The following RBM19 variants were observed in gnomAD, a reference collection of about 807,000 sequenced individuals.
RBM19 encodes RNA binding motif protein 19.
RBM19 carries 94 observed loss-of-function variants against 116.8 expected under a neutral mutation model. The ratio of observed to expected loss-of-function variants is 0.80; its 90% confidence interval spans 0.68 to 0.95. RBM19 has a LOEUF of 0.95. Ranked by LOEUF, RBM19 falls within the 40% of genes least tolerant of loss-of-function variation. The pLI, the probability that RBM19 is intolerant of heterozygous loss-of-function variation, is 0.00. For synonymous variants in RBM19, 475 were observed against 494.1 expected (o/e 0.96, Z 0.51); for missense variants, 1,161 against 1,220.7 (o/e 0.95, Z 0.73).
At chr12:113,851,459 G>A (rs1399155118) in intron 22 of RBM19, among the ~76,000 whole-genome samples, 3 of 152,158 alleles carry the variant, frequency 2.0e-5, no homozygotes, top group Non-Finnish European at 2.9e-5. Flanking sequence ...AGGGAGAGAG[G>A]GCCAATGCCA....
At chr12:113,852,262 G>A (rs914302337) in intron 22 of RBM19, among the ~76,000 whole-genome samples, 5 of 152,098 alleles carry the variant, frequency 3.3e-5, no homozygotes, top group Non-Finnish European at 7.4e-5. Context: ...AGGGGGGTCC[G>A]TCCTGGCACT....
chr12:113,894,321 T>G (rs1159369360), intron 21 of RBM19, among the ~76,000 whole-genome samples: 1 of 152,232 alleles, frequency 6.6e-6, no homozygotes, highest in Non-Finnish European at 1.5e-5. Context: ...TGAGTAAAAC[T>G]GATGCTGCAA....
intron 21 of RBM19, among the ~76,000 whole-genome samples, chr12:113,885,589 T>C (rs1880458450): frequency 6.6e-6 from 1 of 152,204 alleles, no homozygotes; most frequent in Non-Finnish European, 1.5e-5. Context: ...TTGATAACTG[T>C]ACTATAACGT....
chr12:113,916,396 G>C (rs1882775682), intron 20 of RBM19, among the ~76,000 whole-genome samples: 1 of 152,202 alleles, frequency 6.6e-6, no homozygotes, highest in African/African-American at 2.4e-5. Flanking sequence ...GACAGGGTGA[G>C]ACTCCGTCTC....
chr12:113,921,254 T>C (rs1375868021), intron 18 of RBM19, among the ~76,000 whole-genome samples: 1 of 152,210 alleles, frequency 6.6e-6, no homozygotes, highest in South Asian at 2.1e-4. Flanking sequence ...CAAAGAATAC[T>C]GCAAAAATTT....
intron 16 of RBM19, 35 bp downstream of exon 16, chr12:113,936,972 T>A: frequency 6.2e-7 from 1 of 1,606,638 alleles, no homozygotes; most frequent in South Asian, 1.1e-5. Flanking sequence ...CTCACCAGGA[T>A]CCCAAGCCAT....
intron 8 of RBM19, among the ~76,000 whole-genome samples, chr12:113,950,949 T>C (rs1871415004): frequency 6.6e-6 from 1 of 152,122 alleles, no homozygotes; most frequent in Admixed American, 6.5e-5. Flanking sequence ...CCTTAGACGA[T>C]GGCAAACGCC....
intron 21 of RBM19, among the ~76,000 whole-genome samples, chr12:113,886,424 C>A (rs7307094): frequency 6.6e-6 from 1 of 152,094 alleles, no homozygotes; most frequent in Non-Finnish European, 1.5e-5. Context: ...TAAGCCACCG[C>A]GACTGGCCAG....
chr12:113,853,623 G>A (rs1056606572), intron 22 of RBM19, among the ~76,000 whole-genome samples: 5 of 152,222 alleles, frequency 3.3e-5, no homozygotes, highest in Non-Finnish European at 2.9e-5. Context: ...AAAGAGAGAG[G>A]AGGTGGCAGC....
At chr12:113,936,876 C>T (rs764894827) in intron 16 of RBM19, 131 bp downstream of exon 16, 1 of 1,217,738 alleles carries the variant, frequency 8.2e-7, no homozygotes, top group African/African-American at 1.5e-5. Context: ...AGAGTCTGAG[C>T]CCTGCTGGTC....
Position 113,903,415 on chromosome 12 carries a change from C to T in RBM19, c.2558+11554G>A, listed in dbSNP as rs562527754. Reference sequence around the variant, plus strand: ...CACCCCATTTTGTTTATCCACTCATCAGCTGACAGACATCTGTTTTTGTGT... The same window carrying T: ...CACCCCATTTTGTTTATCCACTCATTAGCTGACAGACATCTGTTTTTGTGT... On this transcript the variant is annotated intron_variant, in intron 21 of 23. Coordinates refer to ENST00000261741, the MANE Select transcript of RBM19 (RefSeq NM_016196.4). The surrounding 1 kb of genome is among the most constrained non-coding windows in gnomAD (Gnocchi z 5.1). 6.6e-6 allele frequency among the ~76,000 whole-genome samples: 1 copy of T among 152,344 alleles called. No homozygotes were observed. Among genetic ancestry groups the T allele is most frequent in the East Asian group, 1.9e-4 (1 of 5,188 alleles).
chr12:113,931,188 G>A (rs1869567258), intron 16 of RBM19, among the ~76,000 whole-genome samples: 2 of 152,186 alleles, frequency 1.3e-5, no homozygotes, highest in East Asian at 3.9e-4. Flanking sequence ...AGGATGTATT[G>A]TATAGGTTGT....
intron 21 of RBM19, among the ~76,000 whole-genome samples, chr12:113,896,477 C>T (rs1459669323): frequency 6.6e-6 from 1 of 152,244 alleles, no homozygotes; most frequent in Non-Finnish European, 1.5e-5. Flanking sequence ...AGGACCAGCT[C>T]TTGCCAGGAA....
At chr12:113,910,293 G>A (rs1460387670) in intron 21 of RBM19, among the ~76,000 whole-genome samples, 1 of 152,158 alleles carries the variant, frequency 6.6e-6, no homozygotes. Flanking sequence ...TTCCCACCCT[G>A]CAGGCGAGCA....
chr12:113,953,496 CAAT>C (rs755791463), intron 7 of RBM19, among the ~76,000 whole-genome samples: 6 of 152,136 alleles, frequency 3.9e-5, no homozygotes, highest in East Asian at 1.9e-4. Context: ...CTCAAAACAA[CAAT>C]GACAACAAGA....
At position 113,884,296 on chromosome 12, in the gene RBM19, T is replaced by TAC. The variant is rs773074612; in HGVS notation, c.2559-25401_2559-25400insGT. 5.7e-3 allele frequency among the ~76,000 whole-genome samples: 468 copies of TAC among 81,502 alleles called. 2 individuals are homozygous for TAC. Among genetic ancestry groups the TAC allele is most frequent in the East Asian group, 0.029 (96 of 3,316 alleles). The allele number at this position is 81,502 out of a possible 152,430, so 53.5% of individuals were successfully genotyped here. On this transcript the variant is annotated intron_variant, in intron 21 of 23. Transcript: ENST00000261741. The stretch of plus-strand genomic sequence containing the variant: ...AGACAATATCTCAAAAAAAAAAAAG[T>TAC]ATACACACACACACACACACACACA...
At chr12:113,846,673 T>G (rs1349843161) in intron 22 of RBM19, among the ~76,000 whole-genome samples, 1 of 152,062 alleles carries the variant, frequency 6.6e-6, no homozygotes, top group Non-Finnish European at 1.5e-5. Context: ...AGCACCTTGA[T>G]TTTGGACTTC....
At chr12:113,949,787 C>A (rs1362445525) in intron 9 of RBM19, among the ~76,000 whole-genome samples, 1 of 152,188 alleles carries the variant, frequency 6.6e-6, no homozygotes, top group African/African-American at 2.4e-5. Context: ...AGCCAAGCCT[C>A]CTCCAATCCC....
chr12:113,845,245 C>T (rs1317370240), intron 22 of RBM19, among the ~76,000 whole-genome samples: 3 of 151,808 alleles, frequency 2.0e-5, no homozygotes, highest in South Asian at 2.1e-4. Context: ...CTGTCCCCCA[C>T]GCTGCTCTTG....
Sources: gnomAD v4.1 joint callset for allele counts (sites outside exome capture counted in the v4.1 genomes callset) on GRCh38, gnomAD v4.1.1 for gene constraint, Gnocchi (gnomAD v3.1) non-coding constraint, MANE v1.5 for transcripts, NCBI Gene and HGNC (gene_info 2026-07-23, HGNC 2026-07-21) for gene names.